FHIT: variants seen among roughly 807,000 people sequenced by gnomAD.
FHIT encodes bis(5'-adenosyl)-triphosphatase.
In FHIT, 19 loss-of-function variants were observed where a neutral mutation model predicts 17.9. The observed-to-expected ratio is 1.06, with a 90% CI of 0.74 to 1.56. FHIT has a LOEUF of 1.56. Among genes scored for constraint, FHIT ranks in the 40% most tolerant of loss-of-function variants. FHIT has a pLI of 0.00. For missense variants in FHIT, 248 were observed against 189.2 expected (o/e 1.31, Z -1.82); for synonymous variants, 81 against 69.7 (o/e 1.16, Z -0.81).
At chr3:60,095,656 T>A (rs1703914686) in intron 5 of FHIT, among the ~76,000 whole-genome samples, 1 of 152,190 alleles carries the variant, frequency 6.6e-6, no homozygotes, top group African/African-American at 2.4e-5. Context: ...TCTCAGCTAT[T>A]TCAATACAGA....
chr3:60,621,589 G>GAA (rs36077598), intron 4 of FHIT, among the ~76,000 whole-genome samples: 9 of 147,724 alleles, frequency 6.1e-5, no homozygotes, highest in African/African-American at 1.2e-4. Context: ...AGCATTATGT[G>GAA]AAAAAAAAAA....
chr3:61,101,209 CT>C lies in FHIT; in HGVS notation c.-163-59111del, dbSNP rs36168693. Among the ~76,000 whole-genome samples, 4 of 152,156 alleles carry C rather than the reference CT, an allele frequency of 2.6e-5. No homozygotes were observed. In the East Asian group the frequency reaches 7.7e-4, roughly 29 times the overall value. Reference sequence around the variant, plus strand: ...ATGGTTTTAGGTCTAACATTTAAGTCTTTAATCCATCTTGAATTAATTTTTG... The same window carrying C: ...ATGGTTTTAGGTCTAACATTTAAGTCTTAATCCATCTTGAATTAATTTTTG... On this transcript the variant is annotated intron_variant, in intron 2 of 9. Transcript: ENST00000492590.
intron 3 of FHIT, among the ~76,000 whole-genome samples, chr3:60,916,571 A>G (rs1182516907): frequency 1.3e-5 from 2 of 152,114 alleles, no homozygotes; most frequent in East Asian, 1.9e-4. Flanking sequence ...CACCATCCTC[A>G]CTGTGGTATA....
chr3:59,826,996 C>T (rs948056510), intron 8 of FHIT, among the ~76,000 whole-genome samples: 4 of 152,146 alleles, frequency 2.6e-5, no homozygotes, highest in African/African-American at 9.7e-5. Flanking sequence ...CAATTAAAGA[C>T]AGTGATATTT....
intron 5 of FHIT, among the ~76,000 whole-genome samples, chr3:60,249,924 T>C (rs1705608687): frequency 6.6e-6 from 1 of 152,096 alleles, no homozygotes; most frequent in Non-Finnish European, 1.5e-5. Context: ...GGAGAGCCTG[T>C]ACAGAGAAAC....
chr3:60,942,989 T>A (rs1708486245), intron 3 of FHIT, among the ~76,000 whole-genome samples: 1 of 152,156 alleles, frequency 6.6e-6, no homozygotes, highest in Non-Finnish European at 1.5e-5. Context: ...CAGTTTCTAA[T>A]CTCCTGCTTT....
chr3:60,721,796 TAAA>T (rs1213459230), intron 4 of FHIT, among the ~76,000 whole-genome samples: 2 of 152,078 alleles, frequency 1.3e-5, no homozygotes, highest in Admixed American at 1.3e-4. Context: ...AAAGGCACTA[TAAA>T]AAAGAGTATT....
rs114559252 is a variant in FHIT at position 60,914,458 on chromosome 3, T to A, written c.-110-92447A>T. On this transcript the variant is annotated intron_variant, in intron 3 of 9. Coordinates refer to ENST00000492590, the MANE Select transcript of FHIT (RefSeq NM_002012.4). Reference sequence around the variant, plus strand: ...GAATGGAAGGGGAGGAGAATGGCCATGGAAGGACGGTTGTGCAGTGAGTAA... The same window carrying A: ...GAATGGAAGGGGAGGAGAATGGCCAAGGAAGGACGGTTGTGCAGTGAGTAA... Among the ~76,000 whole-genome samples, 778 of 150,954 alleles carry A rather than the reference T, an allele frequency of 5.2e-3. 6 individuals are homozygous for A. Among genetic ancestry groups the A allele is most frequent in the African/African-American group, 0.018 (728 of 41,124 alleles).
At chr3:59,919,109 T>A (rs957817615) in intron 8 of FHIT, among the ~76,000 whole-genome samples, 2 of 152,196 alleles carry the variant, frequency 1.3e-5, no homozygotes, top group African/African-American at 4.8e-5. Context: ...CACTATTTGT[T>A]ACAGAACTTG....
At chr3:59,810,659 ATAAAT>A (rs1700378157) in intron 8 of FHIT, among the ~76,000 whole-genome samples, 1 of 152,270 alleles carries the variant, frequency 6.6e-6, no homozygotes, top group African/African-American at 2.4e-5. Flanking sequence ...ATCAGAAGAC[ATAAAT>A]TAATTGCTCT....
intron 2 of FHIT, among the ~76,000 whole-genome samples, chr3:61,106,536 AT>A (rs1401346558): frequency 6.6e-5 from 10 of 152,088 alleles, no homozygotes; most frequent in Admixed American, 3.9e-4. Context: ...TAATTAATTA[AT>A]TTTTTAATAG....
chr3:60,308,960 A>G (rs998506160), intron 5 of FHIT, among the ~76,000 whole-genome samples: 1 of 152,162 alleles, frequency 6.6e-6, no homozygotes, highest in Non-Finnish European at 1.5e-5. Flanking sequence ...GAGAGTGATT[A>G]TCTCACACAT....
chr3:59,752,352 T>C, intron 8 of FHIT, 31 bp from the exon 9 acceptor site: 3 of 1,565,808 alleles, frequency 1.9e-6, no homozygotes, highest in Non-Finnish European at 2.6e-6. Context: ...AGAGGCTCTT[T>C]CATGGGCCCT....
chr3:60,937,954 G>A (rs369872302), intron 3 of FHIT, among the ~76,000 whole-genome samples: 2 of 152,092 alleles, frequency 1.3e-5, no homozygotes, highest in African/African-American at 4.8e-5. Context: ...CCCTGTCGCT[G>A]GAACAAGGGG....
chr3:60,252,197 G>A (rs753712771), intron 5 of FHIT, among the ~76,000 whole-genome samples: 12 of 152,072 alleles, frequency 7.9e-5, no homozygotes, highest in Non-Finnish European at 1.8e-4. Flanking sequence ...GCAACACAAA[G>A]ATGAATCAGA....
At chr3:61,138,621 T>C (rs1450956651) in intron 2 of FHIT, among the ~76,000 whole-genome samples, 1 of 152,208 alleles carries the variant, frequency 6.6e-6, no homozygotes, top group Non-Finnish European at 1.5e-5. Context: ...GGCCATGCTA[T>C]TGCTTCCCAG....
chr3:61,231,462 C>G (rs540370972), intron 1 of FHIT, among the ~76,000 whole-genome samples: 1 of 151,210 alleles, frequency 6.6e-6, no homozygotes, highest in African/African-American at 2.4e-5. Flanking sequence ...GCATTCCAGC[C>G]TGGGCAAAAG....
chr3:59,864,802 G>C (rs527306430), intron 8 of FHIT, among the ~76,000 whole-genome samples: 1 of 146,388 alleles, frequency 6.8e-6, no homozygotes, highest in South Asian at 2.2e-4. Flanking sequence ...TGCCTAAAAG[G>C]CCCTTCTGAA....
At chr3:61,228,553 A>G (rs1264235411) in intron 1 of FHIT, among the ~76,000 whole-genome samples, 1 of 152,202 alleles carries the variant, frequency 6.6e-6, no homozygotes, top group Non-Finnish European at 1.5e-5. Context: ...CATTAAATAA[A>G]TTTGTATGCT....
Sources: allele counts gnomAD v4.1 joint callset (sites outside exome capture counted in the v4.1 genomes callset), GRCh38; gene constraint gnomAD v4.1.1; transcripts MANE v1.5; gene names NCBI Gene and HGNC (gene_info 2026-07-23, HGNC 2026-07-21).